Variants in DLG2 observed in about 807,000 individuals in gnomAD.
The protein encoded by DLG2 is disks large homolog 2.
Under a neutral mutation model 132.5 loss-of-function variants are expected in DLG2, and 45 were observed. The observed-to-expected ratio is 0.34, with a 90% CI of 0.27 to 0.44. The LOEUF (loss-of-function observed/expected upper bound fraction) is 0.44, where lower values mean the gene tolerates loss of function less well. DLG2 is among the 20% of genes least tolerant of loss of function. The pLI is 1.00. For synonymous variants in DLG2, 424 were observed against 419.6 expected (o/e 1.01, Z -0.13); for missense variants, 1,045 against 1,196.9 (o/e 0.87, Z 1.87).
At chr11:84,774,158 C>A (rs2069963587) in intron 6 of DLG2, among the ~76,000 whole-genome samples, 3 of 151,646 alleles carry the variant, frequency 2.0e-5, no homozygotes, top group African/African-American at 4.8e-5. Context: ...AGCTGAGAAC[C>A]AAATCAAGAA....
intron 6 of DLG2, chr11:84,800,682 TAAA>T (rs1330596151): frequency 6.6e-6 from 1 of 152,164 alleles, no homozygotes; most frequent in African/African-American, 2.4e-5. Flanking sequence ...GATGAGTAAA[TAAA>T]AAGACTTTGG....
chr11:84,212,517 AGT>A (rs1043494472), intron 8 of DLG2, among the ~76,000 whole-genome samples: 1 of 152,254 alleles, frequency 6.6e-6, no homozygotes, highest in African/African-American at 2.4e-5. Flanking sequence ...TTTAAGAAGT[AGT>A]GGCAGTAGAT....
chr11:85,119,860 CA>C (rs978448016), intron 5 of DLG2, among the ~76,000 whole-genome samples: 2 of 152,150 alleles, frequency 1.3e-5, no homozygotes, highest in African/African-American at 2.4e-5. Context: ...AGAGATTTAG[CA>C]CACTTAATTC....
chr11:83,460,828 T>C (rs11820782), intron 27 of DLG2, among the ~76,000 whole-genome samples: 4,443 of 152,226 alleles, frequency 0.029, 209 homozygotes, highest in African/African-American at 0.1. Flanking sequence ...TGGATGTTCT[T>C]TTAGGATGAA....
At chr11:85,049,662 T>C (rs1431023713) in intron 6 of DLG2, among the ~76,000 whole-genome samples, 2 of 152,084 alleles carry the variant, frequency 1.3e-5, no homozygotes, top group Non-Finnish European at 2.9e-5. Flanking sequence ...TGATACTTTC[T>C]CATGGCACAG....
intron 9 of DLG2, among the ~76,000 whole-genome samples, chr11:84,149,847 T>TC (rs1253249520): frequency 6.6e-6 from 1 of 152,048 alleles, no homozygotes; most frequent in Non-Finnish European, 1.5e-5. Context: ...AGCCTCCACC[T>TC]CCCGGGTTCA....
intron 17 of DLG2, among the ~76,000 whole-genome samples, chr11:83,830,134 C>T (rs1244806864): frequency 3.3e-5 from 5 of 152,108 alleles, no homozygotes; most frequent in Non-Finnish European, 2.9e-5. Flanking sequence ...CTGAAAAAAG[C>T]AGATAATATT....
intron 6 of DLG2, among the ~76,000 whole-genome samples, chr11:84,970,330 A>G (rs889038921): frequency 6.6e-6 from 1 of 152,104 alleles, no homozygotes; most frequent in Non-Finnish European, 1.5e-5. Context: ...TCCCTACCCT[A>G]AAGACTGATA....
intron 15 of DLG2, among the ~76,000 whole-genome samples, chr11:83,878,106 T>C (rs1335464242): frequency 1.3e-5 from 2 of 152,208 alleles, no homozygotes; most frequent in South Asian, 2.1e-4. Flanking sequence ...AACATGCTGC[T>C]CTGTTCTGCC....
chr11:83,673,240 A>T (rs1270552948), intron 18 of DLG2, among the ~76,000 whole-genome samples: 1 of 152,242 alleles, frequency 6.6e-6, no homozygotes, highest in Non-Finnish European at 1.5e-5. Context: ...GTTTTTTAAA[A>T]AAGCAATATT....
intron 7 of DLG2, chr11:84,272,226 T>C: frequency 2.5e-6 from 1 of 398,056 alleles, no homozygotes; most frequent in Non-Finnish European, 5.1e-6. Flanking sequence ...ATTTCGAAGT[T>C]ACAGGGAAAA....
At chr11:85,120,048 A>T (rs1383376612) in intron 5 of DLG2, among the ~76,000 whole-genome samples, 1 of 152,106 alleles carries the variant, frequency 6.6e-6, no homozygotes, top group African/African-American at 2.4e-5. Context: ...TACATTGGAT[A>T]GTGTTTTCTG....
chr11:84,971,221 C>G (rs1440702318), intron 6 of DLG2, among the ~76,000 whole-genome samples: 2 of 152,074 alleles, frequency 1.3e-5, no homozygotes, highest in African/African-American at 4.8e-5. Context: ...CCTTTGTTGA[C>G]TTTAAAAGGA....
chr11:84,307,994 C>T (rs2098244003), intron 7 of DLG2, among the ~76,000 whole-genome samples: 2 of 152,144 alleles, frequency 1.3e-5, no homozygotes, highest in Non-Finnish European at 2.9e-5. Context: ...CTCACAAAGG[C>T]AGTGTGGACC....
At chr11:83,667,954 C>A (rs1312799830) in intron 18 of DLG2, among the ~76,000 whole-genome samples, 2 of 105,724 alleles carry the variant, frequency 1.9e-5, no homozygotes, top group Non-Finnish European at 3.4e-5. Context: ...CCAGCCCGGG[C>A]GACAGAGTGA....
intron 3 of DLG2, among the ~76,000 whole-genome samples, chr11:85,428,982 A>T (rs1270225136): frequency 1.3e-5 from 2 of 152,226 alleles, no homozygotes; most frequent in Admixed American, 1.3e-4. Context: ...AACTACCATC[A>T]GAGAATACTA....
intron 6 of DLG2, among the ~76,000 whole-genome samples, chr11:85,096,204 G>A (rs2069728003): frequency 6.6e-6 from 1 of 152,140 alleles, no homozygotes; most frequent in Non-Finnish European, 1.5e-5. Context: ...ATAAAAGCTG[G>A]CCACCCGCGC....
chr11:83,760,853 C>G (rs1210342012), intron 18 of DLG2, among the ~76,000 whole-genome samples: 1 of 152,210 alleles, frequency 6.6e-6, no homozygotes, highest in Non-Finnish European at 1.5e-5. Context: ...TTTCTCTAGT[C>G]TTGCCCTACC....
intron 8 of DLG2, among the ~76,000 whole-genome samples, chr11:84,250,523 C>T (rs2097357891): frequency 6.6e-6 from 1 of 152,200 alleles, no homozygotes; most frequent in African/African-American, 2.4e-5. Flanking sequence ...GCTATCCCAT[C>T]TTGTTTGATC....
Sources: gnomAD v4.1 joint callset for allele counts (sites outside exome capture counted in the v4.1 genomes callset) on GRCh38, gnomAD v4.1.1 for gene constraint, MANE v1.5 for transcripts, NCBI Gene and HGNC (gene_info 2026-07-23, HGNC 2026-07-21) for gene names.